NBR1: variants seen among roughly 807,000 people sequenced by gnomAD.
The protein encoded by NBR1 is NBR1 autophagy cargo receptor, also known as next to BRCA1 gene 1 protein.
NBR1 carries 59 observed loss-of-function variants against 115.5 expected under a neutral mutation model. That is an observed-to-expected ratio of 0.51 (90% CI 0.41 to 0.63). The LOEUF (loss-of-function observed/expected upper bound fraction) is 0.63. Ranked by LOEUF, NBR1 falls within the 30% of genes least tolerant of loss-of-function variation. The pLI is 0.00. For missense variants in NBR1, 1,043 were observed against 1,150.5 expected (o/e 0.91, Z 1.35); for synonymous variants, 373 against 414.7 (o/e 0.90, Z 1.22).
At chr17:43,181,978 C>CA (rs1185328964) in intron 5 of NBR1, among the ~76,000 whole-genome samples, 3 of 151,638 alleles carry the variant, frequency 2.0e-5, no homozygotes, top group Admixed American at 1.3e-4. Flanking sequence ...GAGGGAAACT[C>CA]CATCTCAAAG....
At position 43,196,595 on chromosome 17, in the gene NBR1, AG is replaced by A. The variant is rs200085949; in HGVS notation, c.1861+7del. The stretch of plus-strand genomic sequence containing the variant: ...GCAGGATTTAAAGCACTTCCTGGTA[AG>A]GGATTAAACATTTGTAAAGTATTTG... On this transcript the variant is annotated splice_donor_5th_base_variant and intron_variant, in intron 15 of 20. Coordinates refer to ENST00000590996, the MANE Select transcript of NBR1 (RefSeq NM_005899.5). 7.9e-4 allele frequency: 1,251 copies of A among 1,574,734 alleles called. 10 individuals carry two copies. In the African/African-American group the frequency reaches 0.015, roughly 19 times the overall value.
intron 20 of NBR1, among the ~76,000 whole-genome samples, chr17:43,207,024 C>T (rs2057331345): frequency 6.6e-6 from 1 of 152,114 alleles, no homozygotes; most frequent in African/African-American, 2.4e-5. Context: ...GAGGTCATGC[C>T]ACTGCACTCC....
chr17:43,203,609 G>A, intron 19 of NBR1, 72 bp from the exon 20 acceptor site: 1 of 906,492 alleles, frequency 1.1e-6, no homozygotes, highest in African/African-American at 1.7e-5. Flanking sequence ...CCAAGGATTA[G>A]AGCCCAGATT....
chr17:43,190,800 C>G (rs779996150), intron 9 of NBR1, 24 bp downstream of exon 9: 29 of 1,554,202 alleles, frequency 1.9e-5, no homozygotes, highest in African/African-American at 1.5e-4. Flanking sequence ...CATGGAGATG[C>G]TTATTCTCTG....
intron 20 of NBR1, among the ~76,000 whole-genome samples, chr17:43,209,170 G>A (rs2057371041): frequency 6.6e-6 from 1 of 151,384 alleles, no homozygotes; most frequent in Non-Finnish European, 1.5e-5. Context: ...TCCACCTCCT[G>A]GGTTCACGCC....
chr17:43,193,667 AG>A, intron 12 of NBR1, 29 bp downstream of exon 12: 1 of 1,579,966 alleles, frequency 6.3e-7, no homozygotes, highest in Non-Finnish European at 8.6e-7. Flanking sequence ...GCTTTGGCCT[AG>A]TATCCAAATC....
chr17:43,181,347 G>A (rs528002377), intron 5 of NBR1, among the ~76,000 whole-genome samples: 1 of 152,284 alleles, frequency 6.6e-6, no homozygotes, highest in African/African-American at 2.4e-5. Flanking sequence ...TCTCTTTGCT[G>A]GTCTTTGTGC....
intron 8 of NBR1, 33 bp from the exon 9 acceptor site, chr17:43,190,576 G>A: frequency 6.4e-7 from 1 of 1,552,444 alleles, no homozygotes; most frequent in Non-Finnish European, 8.7e-7. Context: ...TTCCTATTCT[G>A]CCATTGTGTA....
At chr17:43,180,479 A>G (rs1037283627) in intron 4 of NBR1, among the ~76,000 whole-genome samples, 2 of 152,220 alleles carry the variant, frequency 1.3e-5, no homozygotes, top group African/African-American at 2.4e-5. Flanking sequence ...TTATGTGGCA[A>G]TGGTTACTGT....
chr17:43,202,637 C>T lies in NBR1; in HGVS notation c.2564-18C>T. On this transcript the variant is annotated intron_variant, in intron 18 of 20. Transcript: ENST00000590996. ...GCTTATGGATGCTGCATCTAACCAA[C>T]AGCTCTTTTGCTTTTAGAGCCCAGA... 2 of 1,560,348 alleles carry T rather than the reference C, an allele frequency of 1.3e-6. No homozygotes were observed. The highest frequency in any genetic ancestry group is 2.3e-5 in the East Asian group (1 of 42,598).
At chr17:43,190,473 C>T (rs766802205) in intron 8 of NBR1, 136 bp from the exon 9 acceptor site, 7 of 833,386 alleles carry the variant, frequency 8.4e-6, no homozygotes, top group East Asian at 2.7e-5. Context: ...AAAATTGAGG[C>T]ATGGCATAGT....
chr17:43,177,614 CACACACAG>C (rs1223119071), intron 2 of NBR1, among the ~76,000 whole-genome samples: 1 of 138,380 alleles, frequency 7.2e-6, no homozygotes, highest in Non-Finnish European at 1.6e-5. Flanking sequence ...CACACACACA[CACACACAG>C]TTTGGTATTC....
intron 13 of NBR1, chr17:43,194,743 C>T (rs1043816447): frequency 1.1e-5 from 7 of 618,694 alleles, no homozygotes; most frequent in African/African-American, 3.7e-5. Flanking sequence ...TCACCTTGGC[C>T]TAGCTAATTC....
intron 20 of NBR1, among the ~76,000 whole-genome samples, chr17:43,207,474 C>T (rs965328173): frequency 6.6e-6 from 1 of 152,186 alleles, no homozygotes; most frequent in African/African-American, 2.4e-5. Context: ...CCTCTCACCT[C>T]AGCCTCTTGA....
intron 20 of NBR1, 66 bp from the exon 21 acceptor site, chr17:43,209,835 A>G: frequency 6.8e-7 from 1 of 1,462,920 alleles, no homozygotes; most frequent in South Asian, 1.5e-5. Context: ...ATACAAATGT[A>G]TAAAATAAAC....
chr17:43,203,810 C>G lies in NBR1; in HGVS notation c.2727+24C>G, dbSNP rs1202073824. 3.5e-6 allele frequency: 5 copies of G among 1,429,608 alleles called. No homozygotes were observed. In the East Asian group the frequency reaches 1.2e-4, roughly 35 times the overall value. The allele number at this position is 1,429,608 out of a possible 1,614,324, so 88.6% of individuals were successfully genotyped here. On this transcript the variant is annotated intron_variant, in intron 20 of 20. Coordinates refer to ENST00000590996, the MANE Select transcript of NBR1 (RefSeq NM_005899.5). ...AGGTCAGTGTGTGTGTTTTATTTTC[C>G]TGAATCTCAACTCCATGTCACCAGT... is the stretch of plus-strand genomic sequence containing the variant.
chr17:43,204,208 G>T (rs1267389505), intron 20 of NBR1, among the ~76,000 whole-genome samples: 1 of 151,662 alleles, frequency 6.6e-6, no homozygotes, highest in Non-Finnish European at 1.5e-5. Context: ...AAAGTGCTGG[G>T]ATTACAGGTG....
intron 5 of NBR1, among the ~76,000 whole-genome samples, chr17:43,181,677 C>A (rs975851728): frequency 4.3e-5 from 6 of 138,908 alleles, no homozygotes; most frequent in East Asian, 2.0e-4. Flanking sequence ...ACAAAAAAAA[C>A]AAACAAACCA....
chr17:43,182,020 C>G (rs1316903467), intron 5 of NBR1, among the ~76,000 whole-genome samples: 1 of 151,234 alleles, frequency 6.6e-6, no homozygotes, highest in Non-Finnish European at 1.5e-5. Context: ...CTTGATGCCC[C>G]CCTTTTTTTT....
Sources: allele counts gnomAD v4.1 joint callset (sites outside exome capture counted in the v4.1 genomes callset), GRCh38; gene constraint gnomAD v4.1.1; transcripts MANE v1.5; gene names NCBI Gene and HGNC (gene_info 2026-07-23, HGNC 2026-07-21).